RFC3: variants seen among roughly 807,000 people sequenced by gnomAD.
The protein encoded by RFC3 is A1 38 kDa subunit.
A neutral mutation model predicts 45.1 loss-of-function variants in RFC3; 41 were observed. The ratio of observed to expected loss-of-function variants is 0.91; its 90% CI spans 0.71 to 1.18. RFC3 has a LOEUF of 1.18. Ranked by LOEUF, RFC3 falls within the 50% of genes most tolerant of loss-of-function variation. RFC3 has a pLI of 0.00. For synonymous variants in RFC3, 149 were observed against 144.0 expected, an observed-to-expected ratio of 1.03 and a Z score of -0.25; for missense variants, 423 against 428.1, an observed-to-expected ratio of 0.99 and a Z score of 0.10.
In RFC3 at chr13:33,901,746, A is replaced by G. The variant is rs982808373; in HGVS notation, c.880-64341A>G. ...TTAAGGTGATGGTTATCCCATGTACATTGATTTGATCTTTACATGAAAGTA... is the reference window on the plus strand; with the variant it reads ...TTAAGGTGATGGTTATCCCATGTACGTTGATTTGATCTTTACATGAAAGTA... On this transcript the variant is annotated intron_variant, in intron 8 of 8. Transcript: ENST00000434425. Among the ~76,000 whole-genome samples, 6 of 151,700 alleles carry G rather than the reference A, an allele frequency of 4.0e-5. No homozygotes were observed. The South Asian group carries it at 1.0e-3, about 26-fold the overall frequency.
chr13:33,946,543 C>T (rs1025522729), intron 8 of RFC3, among the ~76,000 whole-genome samples: 10 of 151,944 alleles, frequency 6.6e-5, no homozygotes, highest in South Asian at 2.1e-4. Flanking sequence ...TACATGTTAA[C>T]GTAAATAAAA....
chr13:33,859,581 G>A (rs1303831033), intron 8 of RFC3, among the ~76,000 whole-genome samples: 1 of 152,142 alleles, frequency 6.6e-6, no homozygotes, highest in African/African-American at 2.4e-5. Flanking sequence ...AGCAGTGATT[G>A]GGTGGCAGAC....
At chr13:33,911,761 C>T (rs149504681) in intron 8 of RFC3, among the ~76,000 whole-genome samples, 2 of 152,180 alleles carry the variant, frequency 1.3e-5, no homozygotes, top group East Asian at 3.9e-4. Context: ...GTAATTCTCT[C>T]ACTACCACAA....
At chr13:33,888,140 A>C (rs1329746173) in intron 8 of RFC3, among the ~76,000 whole-genome samples, 1 of 152,170 alleles carries the variant, frequency 6.6e-6, no homozygotes, top group Non-Finnish European at 1.5e-5. Context: ...ATGAACTTTA[A>C]AGTAGTTTTT....
chr13:33,870,566 G>A (rs191814831), intron 8 of RFC3, among the ~76,000 whole-genome samples: 84 of 152,316 alleles, frequency 5.5e-4, no homozygotes, highest in African/African-American at 1.9e-3. Flanking sequence ...GACAGGTGGG[G>A]CTGGCTCACC....
At chr13:33,960,701 C>G (rs553829877) in intron 8 of RFC3, among the ~76,000 whole-genome samples, 1 of 152,180 alleles carries the variant, frequency 6.6e-6, no homozygotes, top group East Asian at 1.9e-4. Context: ...GGTGCAGGCT[C>G]CCCTTCTCCC....
At chr13:33,920,324 T>C (rs1452359794) in intron 8 of RFC3, among the ~76,000 whole-genome samples, 1 of 152,054 alleles carries the variant, frequency 6.6e-6, no homozygotes, top group Non-Finnish European at 1.5e-5. Flanking sequence ...ATCCTGTTGA[T>C]TGGATGATTG....
intron 8 of RFC3, among the ~76,000 whole-genome samples, chr13:33,869,905 A>G (rs1044008895): frequency 3.9e-5 from 6 of 152,194 alleles, no homozygotes; most frequent in African/African-American, 1.4e-4. Context: ...GTTGAGCAAG[A>G]TGGTCAGCGT....
At position 33,837,325 on chromosome 13, in the gene RFC3, T is replaced by G. The variant is rs1403321305; in HGVS notation, c.*1030T>G. 1 of 152,162 alleles carries G rather than the reference T, an allele frequency of 6.6e-6. No homozygotes were observed. The highest frequency in any genetic ancestry group is 1.9e-4 in the East Asian group (1 of 5,204). 9.4% of individuals were successfully genotyped at this position (152,162 alleles called of 1,614,324 possible). A position where few individuals can be genotyped will look rare whatever the true frequency, so the allele number is the denominator to read the frequency against. On this transcript the variant is annotated 3_prime_UTR_variant, in exon 9 of 9. Transcript: ENST00000380071. ...GAATCAGATATTGTAAGCATTCTTG[T>G]GTAATACTTCATTCTCTCTCATTAT... is the stretch of plus-strand genomic sequence containing the variant.
At chr13:33,957,877 C>G (rs2083031663) in intron 8 of RFC3, among the ~76,000 whole-genome samples, 1 of 152,144 alleles carries the variant, frequency 6.6e-6, no homozygotes, top group Non-Finnish European at 1.5e-5. Context: ...GCTTCTCTTT[C>G]TTTTTACAGG....
At chr13:33,841,768 TG>T (rs2082200494), downstream of RFC3, among the ~76,000 whole-genome samples, 1 of 152,180 alleles carries the variant, frequency 6.6e-6, no homozygotes, top group Non-Finnish European at 1.5e-5. Flanking sequence ...TAAACTTTTT[TG>T]GAGTAGGCCT....
downstream of RFC3, among the ~76,000 whole-genome samples, chr13:33,839,638 G>A (rs1385101587): frequency 6.6e-6 from 1 of 152,144 alleles, no homozygotes; most frequent in African/African-American, 2.4e-5. Context: ...AACTGTAGTG[G>A]GAAATCACCC....
At chr13:33,971,562 A>C in the RFC3 span, among the ~76,000 whole-genome samples, 15 of 152,230 alleles carry the variant, frequency 9.9e-5, no homozygotes, top group Non-Finnish European at 1.9e-4. Flanking sequence ...CCGTTATGGC[A>C]TAAGAGCAGC....
intron 8 of RFC3, among the ~76,000 whole-genome samples, chr13:33,865,597 A>G (rs962465318): frequency 6.6e-6 from 1 of 152,234 alleles, no homozygotes; most frequent in Non-Finnish European, 1.5e-5. Flanking sequence ...TCAATCAATC[A>G]ATCAATTATA....
At chr13:33,887,508 T>C (rs2082533828) in intron 8 of RFC3, among the ~76,000 whole-genome samples, 1 of 152,174 alleles carries the variant, frequency 6.6e-6, no homozygotes, top group African/African-American at 2.4e-5. Context: ...TAAATTTGTT[T>C]GAGTTCATTG....
rs1358151622 is a variant in RFC3 at position 33,819,983 on chromosome 13, A to G, written c.88-1149A>G. On this transcript the variant is annotated intron_variant, in intron 1 of 8. Coordinates refer to ENST00000380071, the MANE Select transcript of RFC3 (RefSeq NM_002915.4). ...TTCTTTTCCTTGGGACTTTTTAGTG[A>G]CAGAGATGGATGAGTTTACAAAGTA... Among the ~76,000 whole-genome samples the G allele has an allele frequency of 2.0e-5, 3 of 152,228 alleles. No individual in the cohort carries two copies. The East Asian group carries it at 5.8e-4, about 29-fold the overall frequency.
chr13:33,965,896 T>C (rs1334437884), intron 8 of RFC3, among the ~76,000 whole-genome samples: 1 of 152,232 alleles, frequency 6.6e-6, no homozygotes, highest in East Asian at 1.9e-4. Flanking sequence ...CCATCTCTTA[T>C]ATTCCGCATG....
At chr13:33,954,896 C>T (rs1202904642) in intron 8 of RFC3, among the ~76,000 whole-genome samples, 1 of 152,190 alleles carries the variant, frequency 6.6e-6, no homozygotes, top group African/African-American at 2.4e-5. Flanking sequence ...CAGTCCACAG[C>T]AAAGCCCATT....
intron 4 of RFC3, chr13:33,829,487 C>T: frequency 4.4e-6 from 1 of 228,328 alleles, no homozygotes; most frequent in Non-Finnish European, 8.5e-6. Context: ...CTTCATTTAG[C>T]CTAGTGTTTC....
Sources: allele counts gnomAD v4.1 joint callset (sites outside exome capture counted in the v4.1 genomes callset), GRCh38; gene constraint gnomAD v4.1.1; transcripts MANE v1.5; gene names NCBI Gene and HGNC (gene_info 2026-07-23, HGNC 2026-07-21).